The following NFYB variants were observed in gnomAD, a reference collection of about 807,000 sequenced individuals.
NFYB encodes the protein CAAT box DNA-binding protein subunit B.
In NFYB, 13 loss-of-function variants were observed where a neutral mutation model predicts 28.0. The ratio of observed to expected loss-of-function variants is 0.46; its 90% confidence interval spans 0.30 to 0.74. The LOEUF is 0.74. Among genes scored for constraint, NFYB ranks in the 30% least tolerant of loss-of-function variants. The pLI, the probability that NFYB is intolerant of heterozygous loss-of-function variation, is 0.07. For missense variants in NFYB, 142 were observed against 247.6 expected (o/e 0.57, Z 2.86); for synonymous variants, 74 against 75.0 (o/e 0.99, Z 0.07).
At chr12:104,130,284 T>G (rs1271230238) in intron 2 of NFYB, among the ~76,000 whole-genome samples, 3 of 152,348 alleles carry the variant, frequency 2.0e-5, no homozygotes, top group Non-Finnish European at 4.4e-5. Context: ...TTGCAAAATT[T>G]TAGTCCTTGT....
At chr12:104,125,487 CA>C (rs759904666) in intron 4 of NFYB, 491 of 104,164 alleles carry the variant, frequency 4.7e-3, no homozygotes, top group Middle Eastern at 6.1e-3. Context: ...AACTCCGTCT[CA>C]AAAAAAAAAA....
intron 2 of NFYB, 63 bp downstream of exon 2, chr12:104,135,384 AT>A: frequency 3.4e-6 from 5 of 1,467,326 alleles, no homozygotes; most frequent in Non-Finnish European, 4.6e-6. Context: ...ATTGGTTACA[AT>A]TTTATTTCCA....
intron 6 of NFYB, among the ~76,000 whole-genome samples, chr12:104,120,700 G>A (rs1162794253): frequency 6.6e-6 from 1 of 152,054 alleles, no homozygotes; most frequent in Admixed American, 6.5e-5. Context: ...TCTCTAACAT[G>A]TACCTTAGCT....
chr12:104,118,936 C>A lies in NFYB; in HGVS notation c.*801G>T, dbSNP rs2030364141. ...TTGAAGATATGATTTGAAAAAAAAT[C>A]ATGTACCAAATGAAAGGGGCACCAT... On this transcript the variant is annotated 3_prime_UTR_variant, in exon 8 of 8. Transcript: ENST00000240055. The A allele has an allele frequency of 6.6e-6, 1 of 152,138 alleles. No individual in the cohort carries two copies. Among genetic ancestry groups the A allele is most frequent in the Admixed American group, 6.5e-5 (1 of 15,272 alleles). 9.4% of individuals were successfully genotyped at this position (152,138 alleles called of 1,614,324 possible).
chr12:104,133,585 A>C (rs1247934641), intron 2 of NFYB, among the ~76,000 whole-genome samples: 2 of 152,234 alleles, frequency 1.3e-5, no homozygotes, highest in East Asian at 3.8e-4. Flanking sequence ...TTGTATAAAA[A>C]GCACCTAGCA....
intron 2 of NFYB, among the ~76,000 whole-genome samples, chr12:104,134,689 C>T (rs1453595778): frequency 3.9e-5 from 6 of 152,120 alleles, no homozygotes; most frequent in Non-Finnish European, 7.4e-5. Flanking sequence ...ATGAGCAGAT[C>T]GCACATTTAA....
intron 4 of NFYB, 135 bp from the exon 5 acceptor site, chr12:104,123,558 A>C: frequency 1.5e-6 from 1 of 667,984 alleles, no homozygotes; most frequent in South Asian, 2.0e-5. Flanking sequence ...ATGTTATAAC[A>C]TTAACACAAT....
In NFYB at chr12:104,126,103, C is replaced by G. The variant is rs746272321; in HGVS notation, c.231+11G>C. 6.4e-7 allele frequency: 1 copy of G among 1,568,672 alleles called. No individual in the cohort carries two copies. The highest frequency in any genetic ancestry group is 8.6e-7 in the Non-Finnish European group (1 of 1,162,892). On this transcript the variant is annotated intron_variant, in intron 4 of 7. Transcript: ENST00000240055. ...TTGAAAAAACCTAGTTAAATTTCTC[C>G]TCTACGTTACCTTTCCCGTTTGAGG... is the stretch of plus-strand genomic sequence containing the variant.
In NFYB at chr12:104,117,173, G is replaced by A. The variant is rs751158771; in HGVS notation, c.*2564C>T. On this transcript the variant is annotated 3_prime_UTR_variant, in exon 8 of 8. Transcript: ENST00000240055. ...GAGAAAACATGACATTCAGTTAAAT[G>A]CAACATGGGCCAAGGAAGACAGAGA... 3 of 152,148 alleles carry A rather than the reference G, an allele frequency of 2.0e-5. No homozygotes were observed. Among genetic ancestry groups the A allele is most frequent in the Non-Finnish European group, 4.4e-5 (3 of 68,026 alleles). 9.4% of individuals were successfully genotyped at this position (152,148 alleles called of 1,614,324 possible). A position where few individuals can be genotyped will look rare whatever the true frequency, so the allele number is the denominator to read the frequency against.
chr12:104,126,120 C>T lies in NFYB; in HGVS notation c.225G>A (p.Thr75=), dbSNP rs990084841. 3 of 1,579,692 alleles carry T rather than the reference C, an allele frequency of 1.9e-6. No individual in the cohort carries two copies. Among genetic ancestry groups the T allele is most frequent in the Middle Eastern group, 3.7e-4 (2 of 5,362 alleles). ...AATTTCTCCTCTACGTTACCTTTCC[C>T]GTTTGAGGTATGGCATTTTTCATTA... is the stretch of plus-strand genomic sequence containing the variant. ...ARIMKNAIPQ[T]GKIAKDAKEC... Residue 75 remains threonine (T), a synonymous_variant, in exon 4 of 8, where the codon ACG becomes ACA. Transcript: ENST00000240055.
At chr12:104,124,327 T>C (rs1000915822) in intron 4 of NFYB, among the ~76,000 whole-genome samples, 1 of 152,212 alleles carries the variant, frequency 6.6e-6, no homozygotes, top group Non-Finnish European at 1.5e-5. Context: ...CACTTCATTA[T>C]AAAAACAATT....
intron 1 of NFYB, among the ~76,000 whole-genome samples, chr12:104,136,494 TTTC>T (rs2031105129): frequency 6.6e-6 from 1 of 152,242 alleles, no homozygotes; most frequent in Non-Finnish European, 1.5e-5. Flanking sequence ...TAATTTATAA[TTTC>T]TTTTCAAATA....
intron 2 of NFYB, among the ~76,000 whole-genome samples, chr12:104,130,950 T>G (rs1453136834): frequency 1.3e-5 from 2 of 152,166 alleles, no homozygotes; most frequent in Non-Finnish European, 2.9e-5. Flanking sequence ...TTGGGAAGAA[T>G]AACAGAAATT....
intron 2 of NFYB, among the ~76,000 whole-genome samples, chr12:104,129,452 G>A (rs973085588): frequency 5.9e-5 from 9 of 152,072 alleles, no homozygotes; most frequent in Admixed American, 4.6e-4. Context: ...CAATGTCTCC[G>A]TTCAAACTGT....
At chr12:104,130,153 G>C (rs573107501) in intron 2 of NFYB, among the ~76,000 whole-genome samples, 1 of 152,242 alleles carries the variant, frequency 6.6e-6, no homozygotes, top group East Asian at 1.9e-4. Context: ...AATGTTAAAT[G>C]CATTATCTGA....
intron 2 of NFYB, among the ~76,000 whole-genome samples, chr12:104,133,852 T>C (rs930449324): frequency 6.6e-6 from 1 of 152,206 alleles, no homozygotes; most frequent in Non-Finnish European, 1.5e-5. Flanking sequence ...TCATTAAGCA[T>C]ACAGAAGTAC....
intron 4 of NFYB, among the ~76,000 whole-genome samples, chr12:104,124,115 C>T (rs769465361): frequency 6.6e-6 from 1 of 152,240 alleles, no homozygotes; most frequent in East Asian, 1.9e-4. Context: ...AGTACCACTT[C>T]TCTGCCCTAG....
intron 3 of NFYB, among the ~76,000 whole-genome samples, chr12:104,126,975 G>A (rs1343553227): frequency 2.0e-5 from 3 of 152,304 alleles, no homozygotes; most frequent in Non-Finnish European, 1.5e-5. Flanking sequence ...TTTGAACAAA[G>A]CTAGAGCAGT....
chr12:104,121,299 A>G lies in NFYB; in HGVS notation c.452T>C (p.Ile151Thr). Residue 151 changes from isoleucine (I) to threonine (T), a missense_variant, in exon 6 of 8, where the codon ATT becomes ACT. Ile to Thr is a moderately conservative substitution (Grantham distance 89). Coordinates refer to ENST00000240055, the MANE Select transcript of NFYB (RefSeq NM_006166.4). ...FREAMKGEKG[I>T]GGAVTATDGL... ...ATCTGTAGCTGTGACTGCTCCACCA[A>G]TTCCCTTTTCTCCTTTCATAGCCTG... 6.2e-7 allele frequency: 1 copy of G among 1,612,410 alleles called. No homozygotes were observed. The highest frequency in any genetic ancestry group is 8.5e-7 in the Non-Finnish European group (1 of 1,179,566).
Sources: gnomAD v4.1 joint callset for allele counts (sites outside exome capture counted in the v4.1 genomes callset) on GRCh38, gnomAD v4.1.1 for gene constraint, MANE v1.5 for transcripts, NCBI Gene and HGNC (gene_info 2026-07-23, HGNC 2026-07-21) for gene names.